Variants in EIF2S3B observed in about 807,000 individuals in gnomAD.
EIF2S3B encodes the protein eukaryotic translation initiation factor 2 subunit 3B.
EIF2S3B carries 16 observed loss-of-function variants against 26.4 expected under a neutral mutation model. The observed-to-expected ratio is 0.61, with a 90% CI of 0.41 to 0.92. The LOEUF is 0.92. EIF2S3B is among the 40% of genes least tolerant of loss of function. The pLI is 0.00. For missense variants in EIF2S3B, 510 were observed against 575.5 expected (o/e 0.89, Z 1.16); for synonymous variants, 183 against 204.4 (o/e 0.90, Z 0.89).
downstream of EIF2S3B, among the ~76,000 whole-genome samples, chr12:10,511,971 G>A (rs976168605): frequency 2.6e-5 from 4 of 152,148 alleles, no homozygotes; most frequent in East Asian, 1.9e-4. Context: ...ATTCAACTTC[G>A]ATTCTACTTG....
intron 1 of EIF2S3B, among the ~76,000 whole-genome samples, chr12:10,516,962 C>T (rs1233478500): frequency 6.7e-6 from 1 of 149,676 alleles, no homozygotes; most frequent in African/African-American, 2.4e-5. Context: ...GGATGAAGCC[C>T]ACTTGATCAT....
chr12:10,520,403 T>C (rs1238434944), intron 1 of EIF2S3B, among the ~76,000 whole-genome samples: 1 of 146,846 alleles, frequency 6.8e-6, no homozygotes, highest in African/African-American at 2.5e-5. Flanking sequence ...GAGATATACC[T>C]AATGCTAAAT....
At chr12:10,516,780 G>A (rs547790950) in intron 1 of EIF2S3B, among the ~76,000 whole-genome samples, 1 of 152,126 alleles carries the variant, frequency 6.6e-6, no homozygotes, top group South Asian at 2.1e-4. Context: ...TTTGAGATAC[G>A]TCCCATCAAT....
At chr12:10,519,379 A>C (rs1177162638) in intron 1 of EIF2S3B, among the ~76,000 whole-genome samples, 2 of 151,840 alleles carry the variant, frequency 1.3e-5, no homozygotes, top group African/African-American at 2.4e-5. Flanking sequence ...TAAAGACTTA[A>C]ACGTTAGACC....
At chr12:10,515,921 T>A (rs963846475) in intron 1 of EIF2S3B, among the ~76,000 whole-genome samples, 4 of 150,998 alleles carry the variant, frequency 2.6e-5, no homozygotes, top group Non-Finnish European at 5.9e-5. Flanking sequence ...ATATATATAT[T>A]AGCTTATTTT....
Position 10,507,476 on chromosome 12 carries a change from T to G in EIF2S3B, c.*155T>G. ...TAAGGTTATTCTCTCTTTTTTTTTT[T>G]GGTTATGAAAACTTAGGGACTACAA... On this transcript the variant is annotated 3_prime_UTR_variant, in exon 1 of 1. Coordinates refer to ENST00000538173, the MANE Select transcript of EIF2S3B (RefSeq NM_001357734.3). The G allele has an allele frequency of 1.1e-6, 1 of 873,336 alleles. No homozygotes were observed. Among genetic ancestry groups the G allele is most frequent in the Non-Finnish European group, 1.7e-6 (1 of 578,138 alleles). 54.1% of individuals were successfully genotyped at this position (873,336 alleles called of 1,614,324 possible). A position where few individuals can be genotyped will look rare whatever the true frequency, so the allele number is the denominator to read the frequency against.
rs570800356 is a variant in EIF2S3B at position 10,518,863 on chromosome 12, C to T, written c.1309-3740C>T. 3.9e-3 allele frequency among the ~76,000 whole-genome samples: 586 copies of T among 151,856 alleles called. 2 individuals are homozygous for T. The highest frequency in any genetic ancestry group is 6.2e-3 in the Non-Finnish European group (423 of 67,872). ...CACTGCTCAAGGAAATAAAAGAGGA[C>T]ACAAAGAAATGGAAGAACATTCCAT... On this transcript the variant is annotated intron_variant, in intron 1 of 1. Transcript: ENST00000322446.
At chr12:10,508,525 C>CAGATAAAAAAA (rs1864671228), downstream of EIF2S3B, among the ~76,000 whole-genome samples, 1 of 62,972 alleles carries the variant, frequency 1.6e-5, no homozygotes, top group Non-Finnish European at 2.9e-5. Context: ...TGTTAGAAAG[C>CAGATAAAAAAA]AAAAAAAAAA....
intron 1 of EIF2S3B, among the ~76,000 whole-genome samples, chr12:10,513,610 T>C (rs1273881529): frequency 1.3e-5 from 2 of 152,244 alleles, no homozygotes; most frequent in Admixed American, 1.3e-4. Flanking sequence ...ATGCAAATAT[T>C]TCTCTTGGAT....
chr12:10,507,337 T>G lies in EIF2S3B; in HGVS notation c.*16T>G, dbSNP rs767125770. 4.3e-6 allele frequency: 7 copies of G among 1,612,220 alleles called. No homozygotes were observed. Among genetic ancestry groups the G allele is most frequent in the Non-Finnish European group, 2.5e-6 (3 of 1,178,386 alleles). ...TGATGACTGAAGAATACCGGTTAAA[T>G]AATACATTCGGATGGAGCTGGAAGT... is the stretch of plus-strand genomic sequence containing the variant. On this transcript the variant is annotated 3_prime_UTR_variant, in exon 1 of 1. Transcript: ENST00000538173.
downstream of EIF2S3B, among the ~76,000 whole-genome samples, chr12:10,509,624 A>G (rs1393525761): frequency 6.6e-6 from 1 of 152,024 alleles, no homozygotes; most frequent in East Asian, 1.9e-4. Flanking sequence ...ACCAATTTTC[A>G]TGAAATAAAT....
At chr12:10,522,811 G>A (rs1032036223) in exon 2 of EIF2S3B, 6 of 530,598 alleles carry the variant, frequency 1.1e-5, no homozygotes, top group African/African-American at 3.8e-5. Context: ...TCACAATTAT[G>A]GGAAGAACTT....
downstream of EIF2S3B, among the ~76,000 whole-genome samples, chr12:10,510,446 C>T (rs1864693215): frequency 6.6e-6 from 1 of 152,176 alleles, no homozygotes; most frequent in South Asian, 2.1e-4. Context: ...CTTGGCATGA[C>T]TTCTTACTCT....
chr12:10,518,261 C>T (rs1392656111), intron 1 of EIF2S3B, among the ~76,000 whole-genome samples: 1 of 152,140 alleles, frequency 6.6e-6, no homozygotes, highest in Non-Finnish European at 1.5e-5. Context: ...TTGTAGGTCA[C>T]TCAGGACTTG....
In EIF2S3B at chr12:10,506,345, G is replaced by C. The variant is rs1864629340; in HGVS notation, c.443G>C (p.Gly148Ala). ...HDILMATMLN[G>A]AAVMDAALLL... The stretch of plus-strand genomic sequence containing the variant: ...ATTTTGATGGCTACTATGCTGAACG[G>C]TGCAGCAGTGATGGATGCAGCTCTT... Residue 148 changes from glycine (G) to alanine (A), a missense_variant, in exon 1 of 1, where the codon GGT (glycine) becomes GCT (alanine). By Grantham distance (60) the Gly-to-Ala change is moderately conservative. Transcript: ENST00000538173. 1 of 1,614,134 alleles carries C rather than the reference G, an allele frequency of 6.2e-7. No individual in the cohort carries two copies. The highest frequency in any genetic ancestry group is 8.5e-7 in the Non-Finnish European group (1 of 1,180,008).
At chr12:10,522,444 T>C (rs1213945811) in intron 1 of EIF2S3B, among the ~76,000 whole-genome samples, 2 of 152,226 alleles carry the variant, frequency 1.3e-5, no homozygotes, top group East Asian at 3.8e-4. Flanking sequence ...TATAAATTTG[T>C]CATCAAATCA....
chr12:10,512,820 C>G (rs1864718777), downstream of EIF2S3B, among the ~76,000 whole-genome samples: 1 of 152,132 alleles, frequency 6.6e-6, no homozygotes, highest in Non-Finnish European at 1.5e-5. Flanking sequence ...AATCTCAAGC[C>G]ACTCTTGCTT....
chr12:10,518,095 G>A (rs1410271033), intron 1 of EIF2S3B, among the ~76,000 whole-genome samples: 2 of 152,068 alleles, frequency 1.3e-5, no homozygotes, highest in Non-Finnish European at 2.9e-5. Flanking sequence ...CTGTTGATTT[G>A]GGGTGGAGAG....
At chr12:10,522,798 A>G in exon 2 of EIF2S3B, 3 of 556,596 alleles carry the variant, frequency 5.4e-6, no homozygotes, top group Middle Eastern at 5.4e-4. Context: ...TGTGACAACC[A>G]TATCACAATT....
Sources: gnomAD v4.1 joint callset for allele counts (sites outside exome capture counted in the v4.1 genomes callset) on GRCh38, gnomAD v4.1.1 for gene constraint, MANE v1.5 for transcripts, NCBI Gene and HGNC (gene_info 2026-07-23, HGNC 2026-07-21) for gene names.